HIPK2: variants seen among roughly 807,000 people sequenced by gnomAD.
HIPK2 encodes the protein homeodomain-interacting protein kinase 2.
In HIPK2, 27 loss-of-function variants were observed where a neutral mutation model predicts 113.7. The observed-to-expected ratio is 0.24, with a 90% CI of 0.17 to 0.33. The LOEUF (loss-of-function observed/expected upper bound fraction) is 0.33. Ranked by LOEUF, HIPK2 falls within the 10% of genes least tolerant of loss-of-function variation. The pLI, the probability that HIPK2 is intolerant of heterozygous loss-of-function variation, is 1.00. For synonymous variants in HIPK2, 631 were observed against 642.2 expected (o/e 0.98, Z 0.26); for missense variants, 1,257 against 1,588.0 (o/e 0.79, Z 3.54).
intron 1 of HIPK2, among the ~76,000 whole-genome samples, chr7:139,773,965 C>T (rs1796695997): frequency 6.6e-6 from 1 of 152,184 alleles, no homozygotes. Context: ...ACAGAAAGTG[C>T]CACTATAGAA....
intron 11 of HIPK2, among the ~76,000 whole-genome samples, chr7:139,599,814 T>C (rs1218473208): frequency 6.6e-6 from 1 of 152,176 alleles, no homozygotes; most frequent in Non-Finnish European, 1.5e-5. Flanking sequence ...CAAAAGATAA[T>C]TTGCTTCACC....
intron 1 of HIPK2, among the ~76,000 whole-genome samples, chr7:139,776,462 T>G (rs1028620257): frequency 6.6e-6 from 1 of 152,056 alleles, no homozygotes; most frequent in African/African-American, 2.4e-5. Context: ...ATAAAACTAT[T>G]AATGCCTTCC....
intron 2 of HIPK2, among the ~76,000 whole-genome samples, chr7:139,692,739 C>T (rs1000135168): frequency 6.6e-6 from 1 of 152,192 alleles, no homozygotes; most frequent in Admixed American, 6.5e-5. Flanking sequence ...TATGTGCTTA[C>T]GTCCCAAACA....
intron 1 of HIPK2, among the ~76,000 whole-genome samples, chr7:139,728,558 G>A (rs1374864722): frequency 1.3e-5 from 2 of 152,154 alleles, no homozygotes; most frequent in African/African-American, 4.8e-5. Flanking sequence ...GACATCAGTT[G>A]TATTGGGTTA....
intron 1 of HIPK2, among the ~76,000 whole-genome samples, chr7:139,774,334 T>C (rs1796703600): frequency 6.6e-6 from 1 of 152,190 alleles, no homozygotes; most frequent in African/African-American, 2.4e-5. Flanking sequence ...TATCACTAGA[T>C]TCAAACTCAG....
chr7:139,598,539 T>C (rs1452152738), intron 11 of HIPK2, among the ~76,000 whole-genome samples: 1 of 152,230 alleles, frequency 6.6e-6, no homozygotes, highest in Non-Finnish European at 1.5e-5. Context: ...CCTGGCCACA[T>C]CACCAACAAG....
chr7:139,645,487 T>C (rs1011998972), intron 2 of HIPK2, among the ~76,000 whole-genome samples: 30 of 151,784 alleles, frequency 2.0e-4, no homozygotes, highest in Non-Finnish European at 3.4e-4. Context: ...TCTGAGGAGG[T>C]CTCCCCCACT....
chr7:139,648,658 T>G (rs958880302), intron 2 of HIPK2, among the ~76,000 whole-genome samples: 1 of 152,106 alleles, frequency 6.6e-6, no homozygotes, highest in African/African-American at 2.4e-5. Flanking sequence ...TTCCATCACT[T>G]CCTACCGAGC....
At chr7:139,615,569 T>C (rs886910141) in intron 7 of HIPK2, among the ~76,000 whole-genome samples, 41 of 152,374 alleles carry the variant, frequency 2.7e-4, no homozygotes, top group African/African-American at 8.7e-4. Flanking sequence ...GCCTTCATAC[T>C]GATCCTTTAG....
intron 2 of HIPK2, among the ~76,000 whole-genome samples, chr7:139,686,929 A>G (rs1794240002): frequency 6.6e-6 from 1 of 152,180 alleles, no homozygotes; most frequent in Admixed American, 6.5e-5. Flanking sequence ...AGCAAACTTC[A>G]CTGCTGTCAT....
intron 2 of HIPK2, among the ~76,000 whole-genome samples, chr7:139,633,860 G>A (rs1334021480): frequency 6.6e-6 from 1 of 151,738 alleles, no homozygotes; most frequent in Non-Finnish European, 1.5e-5. Context: ...CATGAGAATC[G>A]CTTGAACCCA....
At chr7:139,628,070 C>A (rs1200267272) in intron 5 of HIPK2, among the ~76,000 whole-genome samples, 1 of 152,148 alleles carries the variant, frequency 6.6e-6, no homozygotes, top group Admixed American at 6.5e-5. Context: ...AGACACAGGA[C>A]AAAAGCCATG....
intron 2 of HIPK2, among the ~76,000 whole-genome samples, chr7:139,678,788 C>T (rs1004711129): frequency 1.3e-5 from 2 of 152,184 alleles, no homozygotes; most frequent in Non-Finnish European, 2.9e-5. Flanking sequence ...TCTTCCTATC[C>T]ATGAGCATGG....
chr7:139,748,279 C>A (rs1406226577), intron 1 of HIPK2, among the ~76,000 whole-genome samples: 1 of 152,172 alleles, frequency 6.6e-6, no homozygotes, highest in Admixed American at 6.5e-5. Context: ...TTAACCAAAG[C>A]ATAGGAGGGG....
chr7:139,642,478 G>C (rs951766721), intron 2 of HIPK2, among the ~76,000 whole-genome samples: 1 of 152,178 alleles, frequency 6.6e-6, no homozygotes, highest in Non-Finnish European at 1.5e-5. Context: ...TGCATGGAGA[G>C]ACAACACGCC....
chr7:139,722,404 G>C (rs1795439755), intron 1 of HIPK2, among the ~76,000 whole-genome samples: 1 of 152,172 alleles, frequency 6.6e-6, no homozygotes, highest in African/African-American at 2.4e-5. Context: ...GGCAATGAGG[G>C]TTCTGACCCT....
In HIPK2 at chr7:139,624,181, G is replaced by A. The variant is rs577948178; in HGVS notation, c.1619+2420C>T. On this transcript the variant is annotated intron_variant, in intron 6 of 14. Coordinates refer to ENST00000406875, the MANE Select transcript of HIPK2 (RefSeq NM_022740.5). ...GGGATTACAGAAGTGCGGCCACCAC[G>A]CTTGGCTAATTTTTGTATTTTTAGT... 3.3e-5 allele frequency among the ~76,000 whole-genome samples: 5 copies of A among 152,186 alleles called. No individual in the cohort carries two copies. In the South Asian group the frequency reaches 6.2e-4, roughly 19 times the overall value.
chr7:139,584,772 G>T (rs536654260), intron 12 of HIPK2, among the ~76,000 whole-genome samples: 1 of 152,304 alleles, frequency 6.6e-6, no homozygotes, highest in East Asian at 1.9e-4. Context: ...CTTTTCCACT[G>T]CCTGGGCCAA....
chr7:139,667,212 T>C (rs1191195553), intron 2 of HIPK2, among the ~76,000 whole-genome samples: 3 of 152,242 alleles, frequency 2.0e-5, no homozygotes, highest in Non-Finnish European at 4.4e-5. Flanking sequence ...TACCCTTGCA[T>C]AGTTTTGGTC....
Sources: allele counts gnomAD v4.1 joint callset (sites outside exome capture counted in the v4.1 genomes callset), GRCh38; gene constraint gnomAD v4.1.1; transcripts MANE v1.5; gene names NCBI Gene and HGNC (gene_info 2026-07-23, HGNC 2026-07-21).